Variants in ADGRA2 observed in about 807,000 individuals in gnomAD.
ADGRA2 encodes G-protein coupled receptor 124.
A neutral mutation model predicts 98.7 loss-of-function variants in ADGRA2; 61 were observed. That is an observed-to-expected ratio of 0.62 (90% CI 0.50 to 0.76). ADGRA2 has a LOEUF of 0.76. Among genes scored for constraint, ADGRA2 ranks in the 30% least tolerant of loss-of-function variants. The pLI is 0.00. For synonymous variants in ADGRA2, 858 were observed against 831.5 expected, an observed-to-expected ratio of 1.03 and a Z score of -0.55; for missense variants, 1,712 against 1,860.0, an observed-to-expected ratio of 0.92 and a Z score of 1.46.
Position 37,835,664 on chromosome 8 carries a change from C to T in ADGRA2, c.1944C>T (p.Phe648=), listed in dbSNP as rs770927642. ...ACTGCACCCTGCAACTGCTCGTCTT[C>T]CGAAATGGCCGCCTCTTCCACAGCC... ...PPDCTLQLLV[F]RNGRLFHSHS... Residue 648 remains phenylalanine (F), a synonymous_variant, in exon 13 of 19, where the codon TTC becomes TTT. Coordinates refer to ENST00000412232, the MANE Select transcript of ADGRA2 (RefSeq NM_032777.10). The T allele has an allele frequency of 1.2e-6, 2 of 1,613,918 alleles. No individual in the cohort carries two copies. The highest frequency in any genetic ancestry group is 1.7e-6 in the Non-Finnish European group (2 of 1,179,914).
At chr8:37,835,147 G>A (rs1343260930) in intron 11 of ADGRA2, 27 bp from the exon 12 acceptor site, 4 of 1,561,946 alleles carry the variant, frequency 2.6e-6, no homozygotes, top group Non-Finnish European at 3.5e-6. Flanking sequence ...ATCTCAAATG[G>A]TGGGATGACA....
intron 2 of ADGRA2, among the ~76,000 whole-genome samples, chr8:37,815,996 C>T (rs1413708310): frequency 1.3e-5 from 2 of 152,222 alleles, no homozygotes; most frequent in Non-Finnish European, 2.9e-5. Context: ...GGGCCCTTGG[C>T]CCCTCTAGCG....
intron 1 of ADGRA2, among the ~76,000 whole-genome samples, chr8:37,805,607 C>G (rs1338853401): frequency 6.6e-6 from 1 of 151,774 alleles, no homozygotes; most frequent in Non-Finnish European, 1.5e-5. Context: ...CGGTGGCTCA[C>G]GCCTGTAATT....
chr8:37,840,815 G>A lies in ADGRA2; in HGVS notation c.2713G>A (p.Val905Ile). 1 of 1,610,070 alleles carries A rather than the reference G, an allele frequency of 6.2e-7. No individual in the cohort carries two copies. The highest frequency in any genetic ancestry group is 8.5e-7 in the Non-Finnish European group (1 of 1,177,074). ...PLIICGITAA[V>I]NIHNYRDHSP... The stretch of plus-strand genomic sequence containing the variant: ...CATTATCTGTGGCATCACAGCTGCA[G>A]TCAACATCCACAACTACCGGGACCA... Residue 905 changes from valine (V) to isoleucine (I), a missense_variant, in exon 18 of 19, where the codon GTC becomes ATC. Coordinates refer to ENST00000412232, the MANE Select transcript of ADGRA2 (RefSeq NM_032777.10).
rs773842063 is a variant in ADGRA2, at chr8:37,830,027, C to T, written c.718+13C>T. The T allele has an allele frequency of 7.3e-6, 11 of 1,508,484 alleles. No individual in the cohort carries two copies. The East Asian group carries it at 1.2e-4, about 17-fold the overall frequency. The allele number at this position is 1,508,484 out of a possible 1,614,324, so 93.4% of individuals were successfully genotyped here. On this transcript the variant is annotated intron_variant, in intron 6 of 18. Transcript: ENST00000412232. This position sits in a 1 kb window ranked among gnomAD's most constrained non-coding sequence, Gnocchi z 4.8. ...CAGCTCTGCTGCGGTGAGCAAGTCCCCCCAGCTACACATCTCCCAGGGACC... is the reference window on the plus strand; with the variant it reads ...CAGCTCTGCTGCGGTGAGCAAGTCCTCCCAGCTACACATCTCCCAGGGACC...
chr8:37,804,810 A>G (rs182626844), intron 1 of ADGRA2, among the ~76,000 whole-genome samples: 66 of 152,362 alleles, frequency 4.3e-4, no homozygotes, highest in Admixed American at 3.8e-3. Flanking sequence ...ACATGGATAC[A>G]TGAGCCAGGG....
chr8:37,799,540 G>A (rs1804437660), intron 1 of ADGRA2, among the ~76,000 whole-genome samples: 1 of 152,176 alleles, frequency 6.6e-6, no homozygotes, highest in African/African-American at 2.4e-5. Context: ...GGAGGCGGTA[G>A]ATAGAAAGGC....
In ADGRA2 at chr8:37,841,172, G is replaced by C; in HGVS notation, c.2834G>C (p.Cys945Ser). The change falls in exon 19 of 19, where the codon TGC (cysteine) becomes TCC (serine). Residue 945 changes from cysteine (C) to serine (S), a missense_variant. By Grantham distance (112) the Cys-to-Ser change is moderately radical. Coordinates refer to ENST00000412232, the MANE Select transcript of ADGRA2 (RefSeq NM_032777.10). This position sits in a 1 kb window ranked among gnomAD's most constrained non-coding sequence, Gnocchi z 5.0. ...CTCATCACCTGGATCTATTTCCTGT[G>C]CGCCGGGCTACGCTTACGGGGTCCT... ...ILLITWIYFL[C>S]AGLRLRGPLA... 1 of 1,613,006 alleles carries C rather than the reference G, an allele frequency of 6.2e-7. No individual in the cohort carries two copies. Among genetic ancestry groups the C allele is most frequent in the Non-Finnish European group, 8.5e-7 (1 of 1,180,008 alleles).
intron 1 of ADGRA2, among the ~76,000 whole-genome samples, chr8:37,810,989 C>G (rs953095960): frequency 1.3e-5 from 2 of 151,594 alleles, no homozygotes; most frequent in South Asian, 4.2e-4. Flanking sequence ...TGGCGGGTGC[C>G]TGTAGTCCCG....
In ADGRA2 at chr8:37,842,588, G is replaced by A; in HGVS notation, c.*233G>A. On this transcript the variant is annotated 3_prime_UTR_variant, in exon 19 of 19. Coordinates refer to ENST00000412232, the MANE Select transcript of ADGRA2 (RefSeq NM_032777.10). ...CCGTCCAGCCCGGGGCAGTCTGACTGTCGGTGCCCTCCCAGGAACGGGGAA... is the reference window on the plus strand; with the variant it reads ...CCGTCCAGCCCGGGGCAGTCTGACTATCGGTGCCCTCCCAGGAACGGGGAA... 1 of 631,042 alleles carries A rather than the reference G, an allele frequency of 1.6e-6. No homozygotes were observed. Among genetic ancestry groups the A allele is most frequent in the East Asian group, 3.6e-5 (1 of 28,034 alleles). 39.1% of individuals were successfully genotyped at this position (631,042 alleles called of 1,614,324 possible).
intron 2 of ADGRA2, among the ~76,000 whole-genome samples, chr8:37,825,244 C>A (rs1487415210): frequency 1.3e-5 from 2 of 151,948 alleles, no homozygotes; most frequent in Non-Finnish European, 2.9e-5. Context: ...CAGCAAAGGA[C>A]TTCTGTCATT....
intron 16 of ADGRA2, 140 bp from the exon 17 acceptor site, chr8:37,839,981 T>C: frequency 1.3e-6 from 1 of 741,992 alleles, no homozygotes; most frequent in South Asian, 1.9e-5. Flanking sequence ...GCTTGGCGAG[T>C]GTATGGGGAG....
chr8:37,844,394 CA>C lies in ADGRA2; in HGVS notation c.*2041del. The C allele has an allele frequency of 6.7e-7, 1 of 1,498,902 alleles. No individual in the cohort carries two copies. The highest frequency in any genetic ancestry group is 2.3e-5 in the East Asian group (1 of 44,036). The allele number at this position is 1,498,902 out of a possible 1,614,324, so 92.9% of individuals were successfully genotyped here. On this transcript the variant is annotated 3_prime_UTR_variant, in exon 19 of 19. Transcript: ENST00000412232. ...TCTTGGTTCCTTCAAACAAGAAAAG[CA>C]ATACCTACGGACTGGTGTACACTTC...
chr8:37,804,079 G>A (rs934204247), intron 1 of ADGRA2, among the ~76,000 whole-genome samples: 1 of 141,154 alleles, frequency 7.1e-6, no homozygotes, highest in Admixed American at 7.4e-5. Context: ...CCCCAGGGAG[G>A]GGCCAGCCTG....
At chr8:37,812,103 GA>G (rs898687352) in intron 1 of ADGRA2, among the ~76,000 whole-genome samples, 10 of 150,722 alleles carry the variant, frequency 6.6e-5, no homozygotes, top group African/African-American at 1.9e-4. Flanking sequence ...CTCTCTTTCA[GA>G]AAAAAAAAGA....
At chr8:37,826,337 T>G (rs1422320400) in intron 2 of ADGRA2, among the ~76,000 whole-genome samples, 1 of 151,788 alleles carries the variant, frequency 6.6e-6, no homozygotes, top group Non-Finnish European at 1.5e-5. Flanking sequence ...GGCAAAACGG[T>G]GGGGGCTGGG....
chr8:37,813,735 C>A (rs1804907078), intron 1 of ADGRA2, among the ~76,000 whole-genome samples: 1 of 152,242 alleles, frequency 6.6e-6, no homozygotes, highest in Non-Finnish European at 1.5e-5. Context: ...CCATGCTTCC[C>A]TCCATCCTGG....
chr8:37,841,517 C>T lies in ADGRA2; in HGVS notation c.3179C>T (p.Ala1060Val). 6.2e-7 allele frequency: 1 copy of T among 1,612,796 alleles called. No homozygotes were observed. Among genetic ancestry groups the T allele is most frequent in the Non-Finnish European group, 8.5e-7 (1 of 1,179,840 alleles). ...CSCLYGVAAS[A>V]LGLFVFTHHC... Reference sequence around the variant, plus strand: ...TGCTTGTACGGGGTGGCAGCCTCCGCCCTGGGCCTCTTCGTCTTCACTCAC... The same window carrying T: ...TGCTTGTACGGGGTGGCAGCCTCCGTCCTGGGCCTCTTCGTCTTCACTCAC... The change falls in exon 19 of 19, where the codon GCC becomes GTC. Residue 1060 changes from alanine to valine, a missense_variant. Transcript: ENST00000412232. The surrounding 1 kb of genome is among the most constrained non-coding windows in gnomAD (Gnocchi z 5.0).
rs140753680 is a variant in ADGRA2 at position 37,841,951 on chromosome 8, C to CGCGGGGGCGCG, written c.3624_3634dup (p.Leu1212ArgfsTer95). 33 of 1,504,826 alleles carry CGCGGGGGCGCG rather than the reference C, an allele frequency of 2.2e-5. No individual in the cohort carries two copies. The highest frequency in any genetic ancestry group is 2.9e-5 in the Non-Finnish European group (33 of 1,135,680). 93.2% of individuals were successfully genotyped at this position (1,504,826 alleles called of 1,614,324 possible). A position where few individuals can be genotyped will look rare whatever the true frequency, so the allele number is the denominator to read the frequency against. On this transcript the variant is annotated frameshift_variant, in exon 19 of 19. Transcript: ENST00000412232. LOFTEE classifies it low-confidence loss of function (END_TRUNC). The surrounding 1 kb of genome is among the most constrained non-coding windows in gnomAD (Gnocchi z 5.0). ...CGGCAAGAACCGGCTCAAGGCCCTG[C>CGCGGGGGCGCG]GCGGGGGCGCGGCGGGGGCGCTGGA...
Sources: allele counts gnomAD v4.1 joint callset (sites outside exome capture counted in the v4.1 genomes callset), GRCh38; gene constraint gnomAD v4.1.1; non-coding constraint Gnocchi (gnomAD v3.1); transcripts MANE v1.5; gene names NCBI Gene and HGNC (gene_info 2026-07-23, HGNC 2026-07-21).